CAMP: variants seen among roughly 807,000 people sequenced by gnomAD.
The protein encoded by CAMP is 18 kDa cationic antimicrobial protein.
In CAMP, 10 loss-of-function variants were observed where a neutral mutation model predicts 12.7. The ratio of observed to expected loss-of-function variants is 0.79; its 90% confidence interval spans 0.49 to 1.34. The LOEUF (loss-of-function observed/expected upper bound fraction) is 1.34, where lower values mean the gene tolerates loss of function less well. Among genes scored for constraint, CAMP ranks in the 40% most tolerant of loss-of-function variants. CAMP has a pLI of 0.00. For synonymous variants in CAMP, 87 were observed against 85.2 expected, an observed-to-expected ratio of 1.02 and a Z score of -0.12; for missense variants, 205 against 213.0, an observed-to-expected ratio of 0.96 and a Z score of 0.23.
At position 48,224,456 on chromosome 3, in the gene CAMP, G is replaced by A; in HGVS notation, c.304G>A (p.Asp102Asn). ...QSPEDCDFKK[D>N]GLVKRCMGTV... ...ACCAGAGGATTGTGACTTCAAGAAG[G>A]ACGGGGTGAGGCTGGGGGCTGGGGG... Residue 102 changes from aspartate to asparagine, a missense_variant, in exon 2 of 4, where the codon GAC becomes AAC. Asp to Asn is a conservative substitution (Grantham distance 23). Coordinates refer to ENST00000652295, the MANE Select transcript of CAMP (RefSeq NM_004345.5). 3.7e-6 allele frequency: 6 copies of A among 1,610,178 alleles called. No homozygotes were observed. The highest frequency in any genetic ancestry group is 5.1e-6 in the Non-Finnish European group (6 of 1,176,468).
rs1466971065 is a variant in CAMP at position 48,223,576 on chromosome 3, T to G, written c.65T>G (p.Leu22Arg). The G allele has an allele frequency of 1.2e-6, 2 of 1,613,070 alleles. No homozygotes were observed. The highest frequency in any genetic ancestry group is 1.7e-6 in the Non-Finnish European group (2 of 1,179,492). The part of the protein sequence containing the change: ...RWSLVLLLLG[L>R]VMPLAIIAQV... ...TCACTGGTGCTCCTGCTGCTGGGCC[T>G]GGTGATGCCTCTGGCCATCATTGCC... Residue 22 changes from leucine to arginine, a missense_variant, in exon 1 of 4, where the codon CTG becomes CGG. Transcript: ENST00000652295.
chr3:48,224,472 G>T lies in CAMP; in HGVS notation c.309+11G>T. 1 of 1,598,468 alleles carries T rather than the reference G, an allele frequency of 6.3e-7. No individual in the cohort carries two copies. The highest frequency in any genetic ancestry group is 8.6e-7 in the Non-Finnish European group (1 of 1,165,746). ...TTCAAGAAGGACGGGGTGAGGCTGG[G>T]GGCTGGGGGTGTTGGTGGGTGCCTC... is the stretch of plus-strand genomic sequence containing the variant. On this transcript the variant is annotated intron_variant, in intron 2 of 3. Transcript: ENST00000652295.
chr3:48,223,595 C>T lies in CAMP; in HGVS notation c.84C>T (p.Ile28=), dbSNP rs151169020. 41 of 1,613,748 alleles carry T rather than the reference C, an allele frequency of 2.5e-5. No individual in the cohort carries two copies. The Middle Eastern group carries it at 6.6e-4, about 26-fold the overall frequency. The change falls in exon 1 of 4, where the codon ATC becomes ATT. Residue 28 remains isoleucine (I), a synonymous_variant. Coordinates refer to ENST00000652295, the MANE Select transcript of CAMP (RefSeq NM_004345.5). Reference sequence around the variant, plus strand: ...TGGGCCTGGTGATGCCTCTGGCCATCATTGCCCAGGTCCTCAGCTACAAGG... The same window carrying T: ...TGGGCCTGGTGATGCCTCTGGCCATTATTGCCCAGGTCCTCAGCTACAAGG... ...LLLGLVMPLA[I]IAQVLSYKEA... is the part of the protein sequence containing the mutation.
intron 2 of CAMP, 28 bp downstream of exon 2, chr3:48,224,489 G>A (rs1466441002): frequency 6.4e-7 from 1 of 1,564,622 alleles, no homozygotes; most frequent in Admixed American, 1.7e-5. Flanking sequence ...GGGTGTTGGT[G>A]GGTGCCTCCC....
rs55988294 is a variant in CAMP, at chr3:48,225,293, G to T, written c.382G>T (p.Asp128Tyr). 4.0e-4 allele frequency: 651 copies of T among 1,613,200 alleles called. 6 individuals carry two copies. The South Asian group carries it at 6.7e-3, about 17-fold the overall frequency. The change falls in exon 4 of 4, where the codon GAT becomes TAT. Residue 128 changes from aspartate (D) to tyrosine (Y), a missense_variant and splice_region_variant. By Grantham distance (160) the Asp-to-Tyr change is radical (BLOSUM62 -3). Transcript: ENST00000652295. The stretch of plus-strand genomic sequence containing the variant: ...TGTTTCTTCCTGTACACAACCCCAG[G>T]ATAACAAGAGATTTGCCCTGCTGGG... ...RGSFDISCDK[D>Y]NKRFALLGDF...
In CAMP at chr3:48,225,329, C is replaced by A. The variant is rs141472233; in HGVS notation, c.418C>A (p.Arg140=). 6.2e-7 allele frequency: 1 copy of A among 1,613,044 alleles called. No homozygotes were observed. Among genetic ancestry groups the A allele is most frequent in the Non-Finnish European group, 8.5e-7 (1 of 1,179,190 alleles). ...ATTTGCCCTGCTGGGTGATTTCTTC[C>A]GGAAATCTAAAGAGAAGATTGGCAA... ...KRFALLGDFF[R]KSKEKIGKEF... The change falls in exon 4 of 4, where the codon CGG becomes AGG. Residue 140 remains arginine (R), a synonymous_variant. Coordinates refer to ENST00000652295, the MANE Select transcript of CAMP (RefSeq NM_004345.5).
rs1432381419 is a variant in CAMP, at chr3:48,223,536, TC to T, written c.28del (p.Leu10TrpfsTer14). The T allele has an allele frequency of 2.3e-5, 37 of 1,605,318 alleles. 1 individual carries two copies. In the Admixed American group the frequency reaches 6.3e-4, roughly 27 times the overall value. MKTQRDGH[S>X]LGRWSLVLLL... ...CATGAAGACCCAAAGGGATGGCCACTCCCTGGGGCGGTGGTCACTGGTGCTC... is the reference window on the plus strand; with the variant it reads ...CATGAAGACCCAAAGGGATGGCCACTCCTGGGGCGGTGGTCACTGGTGCTC... On this transcript the variant is annotated frameshift_variant, in exon 1 of 4. Transcript: ENST00000652295. LOFTEE classifies it high-confidence loss of function.
At chr3:48,224,746 C>G in intron 3 of CAMP, 72 bp downstream of exon 3, 2 of 1,146,578 alleles carry the variant, frequency 1.7e-6, no homozygotes, top group East Asian at 4.7e-5. Flanking sequence ...GGTCAATTAA[C>G]TACTCCCCCA....
At chr3:48,224,979 G>A (rs772573306) in intron 3 of CAMP, among the ~76,000 whole-genome samples, 6 of 152,276 alleles carry the variant, frequency 3.9e-5, no homozygotes, top group Non-Finnish European at 5.9e-5. Flanking sequence ...AGGAGATTCC[G>A]GCTTCTGTAA....
intron 3 of CAMP, among the ~76,000 whole-genome samples, chr3:48,225,046 G>T (rs963619842): frequency 9.9e-5 from 15 of 152,154 alleles, no homozygotes; most frequent in Non-Finnish European, 8.8e-5. Flanking sequence ...TCCCATCTCA[G>T]TGTTGCTGGG....
At chr3:48,224,277 T>C in intron 1 of CAMP, 77 bp from the exon 2 acceptor site, 1 of 968,316 alleles carries the variant, frequency 1.0e-6, no homozygotes, top group South Asian at 1.4e-5. Flanking sequence ...GTGGAAAGCC[T>C]GCCCTCTTGG....
At position 48,224,645 on chromosome 3, in the gene CAMP, A is replaced by C. The variant is rs773704930; in HGVS notation, c.352A>C (p.Arg118=). The C allele has an allele frequency of 6.2e-7, 1 of 1,613,830 alleles. No individual in the cohort carries two copies. The highest frequency in any genetic ancestry group is 8.5e-7 in the Non-Finnish European group (1 of 1,179,838). Residue 118 remains arginine, a synonymous_variant, in exon 3 of 4, where the codon AGG becomes CGG. Coordinates refer to ENST00000652295, the MANE Select transcript of CAMP (RefSeq NM_004345.5). ...GGGGACAGTGACCCTCAACCAGGCCAGGGGCTCCTTTGACATCAGTTGTGA... is the reference window on the plus strand; with the variant it reads ...GGGGACAGTGACCCTCAACCAGGCCCGGGGCTCCTTTGACATCAGTTGTGA... ...CMGTVTLNQA[R]GSFDISCDKD... is the part of the protein sequence containing the mutation.
At chr3:48,225,228 G>C in intron 3 of CAMP, 65 bp from the exon 4 acceptor site, 1 of 1,547,990 alleles carries the variant, frequency 6.5e-7, no homozygotes. Context: ...GGTGGGGAGG[G>C]GTCTTGGATT....
At position 48,224,692 on chromosome 3, in the gene CAMP, G is replaced by A. The variant is rs756470922; in HGVS notation, c.381+18G>A. The A allele has an allele frequency of 6.3e-7, 1 of 1,587,366 alleles. No individual in the cohort carries two copies. Among genetic ancestry groups the A allele is most frequent in the Non-Finnish European group, 8.6e-7 (1 of 1,156,178 alleles). Reference sequence around the variant, plus strand: ...GTGATAAGGTGAGTGGGCTGTTCTGGGATGCAGGGGCTGATGGGGGCATAG... The same window carrying A: ...GTGATAAGGTGAGTGGGCTGTTCTGAGATGCAGGGGCTGATGGGGGCATAG... On this transcript the variant is annotated intron_variant, in intron 3 of 3. Transcript: ENST00000652295.
At position 48,224,220 on chromosome 3, in the gene CAMP, C is replaced by T. The variant is rs779620085; in HGVS notation, c.202-134C>T. ...TGGCTCAGTCCTCCTCCCCTCAATG[C>T]CCCAGTGCCAAGCCCAGCACCCAGT... is the stretch of plus-strand genomic sequence containing the variant. On this transcript the variant is annotated intron_variant, in intron 1 of 3. Transcript: ENST00000652295. 324 of 656,762 alleles carry T rather than the reference C, an allele frequency of 4.9e-4. 1 individual carries two copies. Among genetic ancestry groups the T allele is most frequent in the East Asian group, 7.1e-4 (26 of 36,526 alleles). 40.7% of individuals were successfully genotyped at this position (656,762 alleles called of 1,614,324 possible).
In CAMP at chr3:48,224,418, C is replaced by T. The variant is rs374286260; in HGVS notation, c.266C>T (p.Thr89Met). ...FTVKETVCPRTTQQSPEDCDF... is the reference protein window; with the variant it reads ...FTVKETVCPRMTQQSPEDCDF... The stretch of plus-strand genomic sequence containing the variant: ...GTGAAGGAGACAGTGTGCCCCAGGA[C>T]GACACAGCAGTCACCAGAGGATTGT... The change falls in exon 2 of 4, where the codon ACG becomes ATG. Residue 89 changes from threonine to methionine, a missense_variant. By Grantham distance (81) the Thr-to-Met change is moderately conservative (BLOSUM62 -1). Transcript: ENST00000652295. 3.2e-5 allele frequency: 51 copies of T among 1,613,762 alleles called. No homozygotes were observed. The highest frequency in any genetic ancestry group is 3.1e-4 in the South Asian group (28 of 91,086).
In CAMP at chr3:48,224,469, TG is replaced by T; in HGVS notation, c.309+13del. 1.3e-6 allele frequency: 2 copies of T among 1,597,166 alleles called. No homozygotes were observed. The highest frequency in any genetic ancestry group is 1.7e-6 in the Non-Finnish European group (2 of 1,164,740). On this transcript the variant is annotated intron_variant, in intron 2 of 3. Coordinates refer to ENST00000652295, the MANE Select transcript of CAMP (RefSeq NM_004345.5). ...GACTTCAAGAAGGACGGGGTGAGGC[TG>T]GGGGCTGGGGGTGTTGGTGGGTGCC...
rs1332879545 is a variant in CAMP at position 48,223,531 on chromosome 3, G to A, written c.20G>A (p.Gly7Asp). The change falls in exon 1 of 4, where the codon GGC becomes GAC. Residue 7 changes from glycine (G) to aspartate (D), a missense_variant. By Grantham distance (94) the Gly-to-Asp change is moderately conservative. Transcript: ENST00000652295. ...GGGACCATGAAGACCCAAAGGGATG[G>A]CCACTCCCTGGGGCGGTGGTCACTG... MKTQRD[G>D]HSLGRWSLVL... The A allele has an allele frequency of 6.2e-7, 1 of 1,601,880 alleles. No homozygotes were observed.
chr3:48,224,974 A>G (rs966369299), intron 3 of CAMP, among the ~76,000 whole-genome samples: 6 of 152,036 alleles, frequency 3.9e-5, no homozygotes, highest in Admixed American at 2.0e-4. Flanking sequence ...TTTCCAGGAG[A>G]TTCCGGCTTC....
Sources: allele counts gnomAD v4.1 joint callset (sites outside exome capture counted in the v4.1 genomes callset), GRCh38; gene constraint gnomAD v4.1.1; transcripts MANE v1.5; gene names NCBI Gene and HGNC (gene_info 2026-07-23, HGNC 2026-07-21).